The following PLCL1 variants were observed in gnomAD, a reference collection of about 807,000 sequenced individuals.
PLCL1 encodes the protein inactive phospholipase C-like protein 1.
Under a neutral mutation model 84.4 loss-of-function variants are expected in PLCL1, and 41 were observed. The ratio of observed to expected loss-of-function variants is 0.49; its 90% CI spans 0.38 to 0.63. PLCL1 has a LOEUF of 0.63. Among genes scored for constraint, PLCL1 ranks in the 30% least tolerant of loss-of-function variants. The pLI is 0.00. For missense variants in PLCL1, 1,206 were observed against 1,367.8 expected (o/e 0.88, Z 1.87); for synonymous variants, 490 against 488.3 (o/e 1.00, Z -0.05).
At chr2:198,036,558 C>G (rs1024029553) in intron 1 of PLCL1, among the ~76,000 whole-genome samples, 1 of 152,186 alleles carries the variant, frequency 6.6e-6, no homozygotes, top group African/African-American at 2.4e-5. Flanking sequence ...GGGGTTCCTT[C>G]TATATCATAG....
rs775687451 is a variant in PLCL1, at chr2:198,103,929, T to C, written c.3098T>C (p.Val1033Ala). 1.3e-6 allele frequency: 2 copies of C among 1,563,518 alleles called. No homozygotes were observed. The highest frequency in any genetic ancestry group is 3.5e-5 in the Admixed American group (2 of 56,970). ...GAGAGCTTTGCTTGGAACATTACAG[T>C]ATTGAAGGTAGATGAAACACTCAGA... is the stretch of plus-strand genomic sequence containing the variant. ...ATESFAWNIT[V>A]LKGQGDLLKN... The change falls in exon 5 of 6, where the codon GTA becomes GCA. Residue 1033 changes from valine to alanine, a missense_variant. Transcript: ENST00000428675.
chr2:198,081,265 A>G (rs1692708380), intron 1 of PLCL1, among the ~76,000 whole-genome samples: 1 of 152,240 alleles, frequency 6.6e-6, no homozygotes, highest in South Asian at 2.1e-4. Flanking sequence ...TTTTAATGTG[A>G]AAGCTCTCAT....
intron 1 of PLCL1, among the ~76,000 whole-genome samples, chr2:197,901,458 G>A (rs1177592760): frequency 6.6e-6 from 1 of 152,190 alleles, no homozygotes; most frequent in Admixed American, 6.5e-5. Context: ...TGGGATTTCT[G>A]TTGGATCTTG....
chr2:198,106,535 G>A (rs1693478743), intron 5 of PLCL1, among the ~76,000 whole-genome samples: 2 of 151,862 alleles, frequency 1.3e-5, no homozygotes. Flanking sequence ...ATTATAATGT[G>A]GCAGTGTGTA....
At chr2:198,057,027 C>T (rs1692086722) in intron 1 of PLCL1, among the ~76,000 whole-genome samples, 1 of 151,940 alleles carries the variant, frequency 6.6e-6, no homozygotes. Context: ...GTGTGGGTGC[C>T]CTGGTGAAAA....
chr2:197,876,908 G>A (rs917029812), intron 1 of PLCL1, among the ~76,000 whole-genome samples: 4 of 152,232 alleles, frequency 2.6e-5, no homozygotes, highest in South Asian at 2.1e-4. Flanking sequence ...TTAGATGAGC[G>A]TAAAGCTCTA....
rs1354313759 is a variant in PLCL1, at chr2:197,866,031, A to AT, written c.240+60692_240+60693insT. ...TCTCCAAAAAAAAAAAAAAAAAAAA[A>AT]AAAAAATATATATATATATATACAC... On this transcript the variant is annotated intron_variant, in intron 1 of 5. Transcript: ENST00000428675. Among the ~76,000 whole-genome samples the AT allele has an allele frequency of 5.1e-4, 42 of 82,286 alleles. 4 individuals are homozygous for AT. The highest frequency in any genetic ancestry group is 7.4e-4 in the Non-Finnish European group (33 of 44,602). 54.0% of individuals were successfully genotyped at this position (82,286 alleles called of 152,430 possible). A position where few individuals can be genotyped will look rare whatever the true frequency, so the allele number is the denominator to read the frequency against.
chr2:198,110,811 A>G (rs1056675982), intron 5 of PLCL1, among the ~76,000 whole-genome samples: 3 of 151,760 alleles, frequency 2.0e-5, no homozygotes, highest in Non-Finnish European at 1.5e-5. Context: ...TATCATCCAC[A>G]TTGTCTATTG....
At chr2:197,839,577 A>G (rs1037294081) in intron 1 of PLCL1, among the ~76,000 whole-genome samples, 2 of 152,200 alleles carry the variant, frequency 1.3e-5, no homozygotes, top group Non-Finnish European at 2.9e-5. Context: ...TGTGCCGTGC[A>G]GTTTCTGATG....
intron 1 of PLCL1, among the ~76,000 whole-genome samples, chr2:198,057,531 G>A (rs1309425872): frequency 1.8e-4 from 28 of 152,278 alleles, no homozygotes; most frequent in Admixed American, 1.6e-3. Flanking sequence ...AGTAATAAAA[G>A]GAGGAAATAT....
intron 1 of PLCL1, among the ~76,000 whole-genome samples, chr2:197,940,767 C>A (rs1334842527): frequency 6.6e-6 from 1 of 152,150 alleles, no homozygotes; most frequent in East Asian, 1.9e-4. Context: ...AGACACACTG[C>A]CTTTTCCATT....
intron 1 of PLCL1, among the ~76,000 whole-genome samples, chr2:197,868,414 A>G (rs1214789200): frequency 6.6e-6 from 1 of 152,222 alleles, no homozygotes; most frequent in Non-Finnish European, 1.5e-5. Context: ...CCCAGTGTCT[A>G]TGCAGTACCT....
chr2:198,015,348 C>T (rs993091374), intron 1 of PLCL1, among the ~76,000 whole-genome samples: 14 of 152,192 alleles, frequency 9.2e-5, no homozygotes, highest in African/African-American at 3.4e-4. Flanking sequence ...TAGTACTTAG[C>T]AAAAAATATA....
intron 1 of PLCL1, among the ~76,000 whole-genome samples, chr2:197,817,931 C>T (rs934457246): frequency 1.3e-5 from 2 of 151,844 alleles, no homozygotes; most frequent in East Asian, 1.9e-4. Flanking sequence ...AACTTTTAAC[C>T]GATGGGCACC....
In PLCL1 at chr2:198,050,061, G is replaced by A. The variant is rs79286024; in HGVS notation, c.241-33697G>A. On this transcript the variant is annotated intron_variant, in intron 1 of 5. Transcript: ENST00000428675. ...AGACAAGTATGGGTCTCTGCAGGCC[G>A]GACTGGTTGAAGAGGGCAACGAGGT... 6.6e-3 allele frequency among the ~76,000 whole-genome samples: 1,010 copies of A among 152,276 alleles called. 6 individuals carry two copies. Among genetic ancestry groups the A allele is most frequent in the Non-Finnish European group, 9.4e-3 (639 of 68,016 alleles).
At chr2:198,009,839 T>A (rs1342856759) in intron 1 of PLCL1, among the ~76,000 whole-genome samples, 1 of 151,970 alleles carries the variant, frequency 6.6e-6, no homozygotes, top group Non-Finnish European at 1.5e-5. Flanking sequence ...TTTACTTGTA[T>A]CTTCTTTGAT....
chr2:198,032,489 A>G (rs1230512717), intron 1 of PLCL1, among the ~76,000 whole-genome samples: 1 of 152,218 alleles, frequency 6.6e-6, no homozygotes, highest in East Asian at 1.9e-4. Context: ...AAATACCCAG[A>G]TAACTTTGCT....
intron 1 of PLCL1, among the ~76,000 whole-genome samples, chr2:197,989,001 A>G (rs892698994): frequency 1.3e-5 from 2 of 152,206 alleles, no homozygotes; most frequent in Non-Finnish European, 2.9e-5. Flanking sequence ...TTCAAACCCA[A>G]GGGGATAAAT....
chr2:198,084,361 T>A lies in PLCL1; in HGVS notation c.844T>A (p.Leu282Ile). ...NPTLKEAKIRLKFKEIQKSKE... is the reference protein window; with the variant it reads ...NPTLKEAKIRIKFKEIQKSKE... ...TACTCTGAAGGAAGCCAAGATCAGG[T>A]TAAAGTTTAAAGAAATCCAGAAGAG... Residue 282 changes from leucine (L) to isoleucine (I), a missense_variant, in exon 2 of 6, where the codon TTA becomes ATA. By Grantham distance (5) the Leu-to-Ile change is conservative. Transcript: ENST00000428675. 1 of 1,614,086 alleles carries A rather than the reference T, an allele frequency of 6.2e-7. No homozygotes were observed. Among genetic ancestry groups the A allele is most frequent in the South Asian group, 1.1e-5 (1 of 91,066 alleles).
Sources: allele counts gnomAD v4.1 joint callset (sites outside exome capture counted in the v4.1 genomes callset), GRCh38; gene constraint gnomAD v4.1.1; transcripts MANE v1.5; gene names NCBI Gene and HGNC (gene_info 2026-07-23, HGNC 2026-07-21).